Variants in CCSER1 observed in about 807,000 individuals in gnomAD.
CCSER1 encodes serine-rich coiled-coil domain-containing protein 1.
Under a neutral mutation model 82.0 loss-of-function variants are expected in CCSER1, and 41 were observed. That is an observed-to-expected ratio of 0.50 (90% CI 0.39 to 0.65). The LOEUF (loss-of-function observed/expected upper bound fraction) is 0.65. CCSER1 is among the 30% of genes least tolerant of loss of function. CCSER1 has a pLI of 0.00. For missense variants in CCSER1, 1,119 were observed against 1,064.2 expected (o/e 1.05, Z -0.72); for synonymous variants, 414 against 383.9 (o/e 1.08, Z -0.92).
At chr4:91,390,557 T>C (rs955937691) in intron 10 of CCSER1, among the ~76,000 whole-genome samples, 4 of 151,886 alleles carry the variant, frequency 2.6e-5, no homozygotes, top group Non-Finnish European at 5.9e-5. Context: ...TCTCATGGAA[T>C]GAATCAAGTA....
intron 7 of CCSER1, among the ~76,000 whole-genome samples, chr4:90,808,003 C>T (rs1388924166): frequency 6.6e-6 from 1 of 152,112 alleles, no homozygotes; most frequent in African/African-American, 2.4e-5. Flanking sequence ...TACTACAAGG[C>T]TATAGTAACC....
At chr4:90,503,474 C>T (rs1770217107) in intron 5 of CCSER1, among the ~76,000 whole-genome samples, 1 of 152,078 alleles carries the variant, frequency 6.6e-6, no homozygotes, top group African/African-American at 2.4e-5. Context: ...AGGTTAGTTA[C>T]ATATGTATAC....
At chr4:91,143,203 G>C (rs1410820670) in intron 10 of CCSER1, among the ~76,000 whole-genome samples, 2 of 150,464 alleles carry the variant, frequency 1.3e-5, no homozygotes, top group African/African-American at 2.4e-5. Flanking sequence ...CACCTCCTTG[G>C]TTAGATGTGT....
intron 8 of CCSER1, among the ~76,000 whole-genome samples, chr4:90,909,046 G>T (rs1003318504): frequency 1.3e-5 from 2 of 152,070 alleles, no homozygotes; most frequent in Non-Finnish European, 2.9e-5. Flanking sequence ...CTCTAGAAAA[G>T]GAGTCTTCTT....
chr4:90,428,379 A>G (rs1757821071), intron 4 of CCSER1, among the ~76,000 whole-genome samples: 1 of 151,894 alleles, frequency 6.6e-6, no homozygotes, highest in African/African-American at 2.4e-5. Flanking sequence ...ACCCCCATGC[A>G]GCTAGAAATC....
At chr4:91,331,676 G>A (rs1335253205) in intron 10 of CCSER1, among the ~76,000 whole-genome samples, 1 of 152,140 alleles carries the variant, frequency 6.6e-6, no homozygotes, top group Non-Finnish European at 1.5e-5. Context: ...TCCATAAGAT[G>A]TGTTTTGAGC....
At chr4:90,938,101 A>G (rs1197754895) in intron 9 of CCSER1, among the ~76,000 whole-genome samples, 1 of 152,090 alleles carries the variant, frequency 6.6e-6, no homozygotes, top group African/African-American at 2.4e-5. Flanking sequence ...CTTTTTGTAA[A>G]AAGGGTGACA....
chr4:90,553,136 A>AT (rs922348611), intron 5 of CCSER1, among the ~76,000 whole-genome samples: 8 of 151,934 alleles, frequency 5.3e-5, no homozygotes, highest in Non-Finnish European at 1.2e-4. Flanking sequence ...CGCCTAGCTA[A>AT]TTTTTTTCAT....
chr4:91,499,767 G>T (rs1198991302), intron 10 of CCSER1, among the ~76,000 whole-genome samples: 1 of 151,588 alleles, frequency 6.6e-6, no homozygotes, highest in Non-Finnish European at 1.5e-5. Context: ...CTTGGTAATG[G>T]GCATTTAAAT....
At chr4:90,200,562 T>A (rs1737500976) in intron 1 of CCSER1, among the ~76,000 whole-genome samples, 1 of 152,082 alleles carries the variant, frequency 6.6e-6, no homozygotes, top group African/African-American at 2.4e-5. Flanking sequence ...TTAACTGCTA[T>A]GAAGTTATGG....
chr4:90,483,101 G>A (rs1171566861), intron 5 of CCSER1, among the ~76,000 whole-genome samples: 2 of 152,146 alleles, frequency 1.3e-5, no homozygotes, highest in Admixed American at 6.6e-5. Context: ...TCTTCTTGTT[G>A]AATTGATCCC....
At position 91,228,165 on chromosome 4, in the gene CCSER1, C is replaced by T. The variant is rs987618157; in HGVS notation, c.2217+142171C>T. 2.0e-5 allele frequency among the ~76,000 whole-genome samples: 3 copies of T among 152,050 alleles called. No individual in the cohort carries two copies. In the South Asian group the frequency reaches 6.2e-4, roughly 31 times the overall value. ...AGGAACAGAAAATATTTTGAGAAGA[C>T]CGACAATTGTCATGATTTGAGTAAA... is the stretch of plus-strand genomic sequence containing the variant. On this transcript the variant is annotated intron_variant, in intron 10 of 10. Coordinates refer to ENST00000509176, the MANE Select transcript of CCSER1 (RefSeq NM_001145065.2).
chr4:90,497,067 T>C (rs971253563), intron 5 of CCSER1, among the ~76,000 whole-genome samples: 1 of 151,868 alleles, frequency 6.6e-6, no homozygotes, highest in African/African-American at 2.4e-5. Context: ...TAAATCATTA[T>C]TTATTTGTTA....
chr4:90,476,547 ATT>A (rs369588944), intron 5 of CCSER1, among the ~76,000 whole-genome samples: 2 of 151,314 alleles, frequency 1.3e-5, no homozygotes, highest in African/African-American at 4.9e-5. Flanking sequence ...AATCTTCTGT[ATT>A]TTTTTTTATC....
Position 91,587,458 on chromosome 4 carries a change from T to C in CCSER1, c.2218-11114T>C, listed in dbSNP as rs1221761353. 2.0e-5 allele frequency among the ~76,000 whole-genome samples: 3 copies of C among 151,802 alleles called. No homozygotes were observed. The Admixed American group carries it at 2.0e-4, about 10-fold the overall frequency. ...TGTAGCACAGCATACCTAGCAAAGA[T>C]CAGACATATATATGTTGACTTTATC... On this transcript the variant is annotated intron_variant, in intron 10 of 10. Transcript: ENST00000509176.
rs553165979 is a variant in CCSER1 at position 90,307,670 on chromosome 4, A to G, written c.-41-574A>G. Reference sequence around the variant, plus strand: ...TAATTTAAAAAAAAAAAAGAGAAGAAAAAAAGTCTATAGCCATTGGCTTTT... The same window carrying G: ...TAATTTAAAAAAAAAAAAGAGAAGAGAAAAAGTCTATAGCCATTGGCTTTT... On this transcript the variant is annotated intron_variant, in intron 1 of 10. Coordinates refer to ENST00000509176, the MANE Select transcript of CCSER1 (RefSeq NM_001145065.2). Among the ~76,000 whole-genome samples the G allele has an allele frequency of 2.4e-3, 361 of 152,118 alleles. 2 individuals are homozygous for G. In the South Asian group the frequency reaches 0.026, roughly 11 times the overall value.
intron 7 of CCSER1, chr4:90,724,922 T>G: frequency 2.7e-6 from 1 of 375,618 alleles, no homozygotes; most frequent in Non-Finnish European, 5.3e-6. Flanking sequence ...ATTGCTGTCT[T>G]GTTGAAATGA....
chr4:91,465,092 C>T (rs1001616602), intron 10 of CCSER1, among the ~76,000 whole-genome samples: 17 of 152,050 alleles, frequency 1.1e-4, no homozygotes, highest in African/African-American at 2.9e-4. Flanking sequence ...CAAAATTGAC[C>T]GCATAGTCGG....
At chr4:91,275,418 T>A (rs1742356358) in intron 10 of CCSER1, among the ~76,000 whole-genome samples, 1 of 152,204 alleles carries the variant, frequency 6.6e-6, no homozygotes, top group Non-Finnish European at 1.5e-5. Context: ...TCCCTGATGA[T>A]TCGTGATGTT....
Sources: gnomAD v4.1 joint callset for allele counts (sites outside exome capture counted in the v4.1 genomes callset) on GRCh38, gnomAD v4.1.1 for gene constraint, MANE v1.5 for transcripts, NCBI Gene and HGNC (gene_info 2026-07-23, HGNC 2026-07-21) for gene names.